The following GRIP1 variants were observed in gnomAD, a reference collection of about 807,000 sequenced individuals.
The protein encoded by GRIP1 is glutamate receptor-interacting protein 1.
GRIP1 carries 45 observed loss-of-function variants against 129.9 expected under a neutral mutation model. The observed-to-expected ratio is 0.35, with a 90% confidence interval of 0.27 to 0.44. The LOEUF is 0.44. GRIP1 is among the 20% of genes least tolerant of loss of function. GRIP1 has a pLI of 1.00. For missense variants in GRIP1, 1,196 were observed against 1,396.8 expected, an observed-to-expected ratio of 0.86 and a Z score of 2.29; for synonymous variants, 530 against 520.8, an observed-to-expected ratio of 1.02 and a Z score of -0.24.
intron 7 of GRIP1, among the ~76,000 whole-genome samples, chr12:66,467,565 C>T (rs147305639): frequency 1.1e-3 from 172 of 152,218 alleles, no homozygotes; most frequent in Non-Finnish European, 2.1e-3. Flanking sequence ...CTTGTTAGTC[C>T]CCGCAGCCTC....
Position 66,379,347 on chromosome 12 carries a change from G to A in GRIP1, c.2554C>T (p.Pro852Ser). The A allele has an allele frequency of 6.2e-7, 1 of 1,613,946 alleles. No homozygotes were observed. The highest frequency in any genetic ancestry group is 2.2e-5 in the East Asian group (1 of 44,884). ...ACATCTGGGTAAGTCTGGCTTCGAG[G>A]CTTAGTGACTGGGGACAAGCTGCCT... Reference protein sequence around the residue: ...QRGSLSPVTKPRSQTYPDVGL... With the variant: ...QRGSLSPVTKSRSQTYPDVGL... Residue 852 changes from proline to serine, a missense_variant, in exon 20 of 25, where the codon CCT (proline) becomes TCT (serine). Pro to Ser is a moderately conservative substitution (Grantham distance 74). Coordinates refer to ENST00000359742, the MANE Select transcript of GRIP1 (RefSeq NM_001366722.1).
At chr12:66,449,757 G>A (rs951067902) in intron 11 of GRIP1, among the ~76,000 whole-genome samples, 1 of 152,154 alleles carries the variant, frequency 6.6e-6, no homozygotes, top group Non-Finnish European at 1.5e-5. Flanking sequence ...TTGCATTCCA[G>A]TTATTACTCA....
rs1449483958 is a variant in GRIP1, at chr12:66,657,972, C to T, written c.55+20878G>A. On this transcript the variant is annotated intron_variant, in intron 1 of 24. Transcript: ENST00000359742. Reference sequence around the variant, plus strand: ...ACAGAAACATAAAAGGTATTTTAAACTTTATTAGTCAGTAGTTTACAGTTT... The same window carrying T: ...ACAGAAACATAAAAGGTATTTTAAATTTTATTAGTCAGTAGTTTACAGTTT... Among the ~76,000 whole-genome samples, 4 of 152,156 alleles carry T rather than the reference C, an allele frequency of 2.6e-5. No individual in the cohort carries two copies. In the South Asian group the frequency reaches 8.3e-4, roughly 31 times the overall value.
intron 1 of GRIP1, among the ~76,000 whole-genome samples, chr12:66,947,586 A>G (rs920510274): frequency 6.6e-6 from 1 of 152,196 alleles, no homozygotes; most frequent in Admixed American, 6.5e-5. Flanking sequence ...ATGTGACAAT[A>G]ATTTTTGTAC....
chr12:66,618,190 GGT>G (rs1267433458), intron 1 of GRIP1, among the ~76,000 whole-genome samples: 3 of 152,268 alleles, frequency 2.0e-5, no homozygotes, highest in Admixed American at 6.5e-5. Context: ...GAAATCAGTA[GGT>G]GTAGTGACAG....
chr12:66,800,861 C>G (rs978592691), intron 1 of GRIP1, among the ~76,000 whole-genome samples: 1 of 151,562 alleles, frequency 6.6e-6, no homozygotes, highest in Non-Finnish European at 1.5e-5. Flanking sequence ...TTGGTGGATA[C>G]GATTAAATAA....
intron 2 of GRIP1, among the ~76,000 whole-genome samples, chr12:66,562,596 C>G (rs2062577758): frequency 6.6e-6 from 1 of 152,152 alleles, no homozygotes; most frequent in African/African-American, 2.4e-5. Context: ...TTTTAAGACA[C>G]TGTGCTGATT....
At chr12:66,387,225 A>G (rs911123658) in intron 19 of GRIP1, among the ~76,000 whole-genome samples, 2 of 152,242 alleles carry the variant, frequency 1.3e-5, no homozygotes, top group African/African-American at 4.8e-5. Flanking sequence ...GGCTGGTGGC[A>G]GAAAGTACAT....
At chr12:66,365,234 G>C (rs773605057) in intron 23 of GRIP1, among the ~76,000 whole-genome samples, 2 of 152,122 alleles carry the variant, frequency 1.3e-5, no homozygotes, top group Non-Finnish European at 2.9e-5. Flanking sequence ...TTGGGAGTTC[G>C]AGGCCAGCCT....
intron 7 of GRIP1, among the ~76,000 whole-genome samples, chr12:66,504,526 A>G (rs2060475691): frequency 6.6e-6 from 1 of 152,158 alleles, no homozygotes; most frequent in Non-Finnish European, 1.5e-5. Flanking sequence ...TGTAGTGCTC[A>G]GGTAGATGGT....
chr12:66,630,729 G>A (rs1356440681), intron 1 of GRIP1, among the ~76,000 whole-genome samples: 2 of 152,134 alleles, frequency 1.3e-5, no homozygotes, highest in Non-Finnish European at 2.9e-5. Context: ...GCAATAGTCT[G>A]CTTCTGCATC....
At position 66,444,622 on chromosome 12, in the gene GRIP1, G is replaced by T; in HGVS notation, c.1649C>A (p.Thr550Lys). ...ASQLLRDSSI[T>K]SKVTLEIEFD... ...CTCGATTTCCAGTGTGACCTTGCTC[G>T]TGATTGAAGAGTCTCGGAGGAGCTG... The change falls in exon 13 of 25, where the codon ACG (threonine) becomes AAG (lysine). Residue 550 changes from threonine to lysine, a missense_variant. Around this residue, in one of 5 missense-constraint regions of GRIP1, gnomAD observed 508 missense variants for 587.0 expected, o/e 0.87. Transcript: ENST00000359742. 6.2e-7 allele frequency: 1 copy of T among 1,613,828 alleles called. No individual in the cohort carries two copies. Among genetic ancestry groups the T allele is most frequent in the Non-Finnish European group, 8.5e-7 (1 of 1,179,974 alleles).
chr12:66,428,690 CT>C (rs2058058869), intron 14 of GRIP1, among the ~76,000 whole-genome samples: 1 of 152,124 alleles, frequency 6.6e-6, no homozygotes. Flanking sequence ...GTTCTTTCCT[CT>C]TTGTAAAATG....
chr12:67,066,323 G>C (rs994304696), intron 1 of GRIP1, among the ~76,000 whole-genome samples: 1 of 152,052 alleles, frequency 6.6e-6, no homozygotes, highest in East Asian at 1.9e-4. Context: ...TCTTTTTTAG[G>C]AATAAGGCTA....
chr12:66,621,162 T>C (rs1465410883), intron 1 of GRIP1, among the ~76,000 whole-genome samples: 1 of 152,176 alleles, frequency 6.6e-6, no homozygotes, highest in East Asian at 1.9e-4. Context: ...TCAACAACAT[T>C]AAGTACATTC....
chr12:66,417,296 A>T (rs1228257146), intron 15 of GRIP1, among the ~76,000 whole-genome samples: 1 of 152,182 alleles, frequency 6.6e-6, no homozygotes, highest in African/African-American at 2.4e-5. Flanking sequence ...ATACCTCAAC[A>T]TAATAAAAGC....
chr12:67,056,259 T>C (rs544872797), intron 1 of GRIP1, among the ~76,000 whole-genome samples: 1 of 152,320 alleles, frequency 6.6e-6, no homozygotes, highest in South Asian at 2.1e-4. Flanking sequence ...CTAGCATCTA[T>C]TGCATGATGT....
At chr12:67,021,535 A>C (rs1227799133) in intron 1 of GRIP1, among the ~76,000 whole-genome samples, 4 of 152,196 alleles carry the variant, frequency 2.6e-5, no homozygotes, top group African/African-American at 9.7e-5. Flanking sequence ...ATAATTGTAC[A>C]TATTTATGGG....
At position 66,919,102 on chromosome 12, in the gene GRIP1, C is replaced by T. The variant is rs190007690; in HGVS notation, c.58+149948G>A. On this transcript the variant is annotated intron_variant, in intron 1 of 1. Coordinates refer to the GRIP1 transcript ENST00000643019. The stretch of plus-strand genomic sequence containing the variant: ...CAGAAAAGCAGTTTTGTTAGGTTCC[C>T]CCAGGCTGTAACAGGTATGAAAGAA... Among the ~76,000 whole-genome samples, 319 of 152,208 alleles carry T rather than the reference C, an allele frequency of 2.1e-3. 1 individual carries two copies. The highest frequency in any genetic ancestry group is 7.2e-3 in the African/African-American group (300 of 41,522).
Sources: allele counts gnomAD v4.1 joint callset (sites outside exome capture counted in the v4.1 genomes callset), GRCh38; gene constraint gnomAD v4.1.1; regional missense constraint gnomAD v4.1.1; transcripts MANE v1.5; gene names NCBI Gene and HGNC (gene_info 2026-07-23, HGNC 2026-07-21).